The following ASZ1 variants were observed in gnomAD, a reference collection of about 807,000 sequenced individuals.
ASZ1 encodes the protein ankyrin repeat, SAM and basic leucine zipper domain containing 1, also known as ankyrin repeat, SAM and basic leucine zipper domain-containing protein 1.
In ASZ1, 67 loss-of-function variants were observed where a neutral mutation model predicts 61.8. That is an observed-to-expected ratio of 1.08 (90% CI 0.89 to 1.33). The LOEUF (loss-of-function observed/expected upper bound fraction) is 1.33, where lower values mean the gene tolerates loss of function less well. Ranked by LOEUF, ASZ1 falls within the 40% of genes most tolerant of loss-of-function variation. The pLI is 0.00. For synonymous variants in ASZ1, 193 were observed against 192.7 expected, an observed-to-expected ratio of 1.00 and a Z score of -0.01; for missense variants, 577 against 554.5, an observed-to-expected ratio of 1.04 and a Z score of -0.41.
chr7:117,401,503 C>T (rs1796680491), intron 4 of ASZ1, among the ~76,000 whole-genome samples: 1 of 151,986 alleles, frequency 6.6e-6, no homozygotes. Flanking sequence ...TGGACCCCTA[C>T]TGGCTCCAAT....
chr7:117,386,241 C>CA (rs1218236028), intron 4 of ASZ1, among the ~76,000 whole-genome samples: 1 of 152,094 alleles, frequency 6.6e-6, no homozygotes, highest in Admixed American at 6.6e-5. Context: ...ATTGCTGAAA[C>CA]AAAAATGTAA....
chr7:117,402,581 T>C lies in ASZ1; in HGVS notation c.441-16772A>G, dbSNP rs1263915485. ...TCCAGAATTTATATTTGTTTCATTA[T>C]GACTTTAGTTTGTTTAAAGGCCTCA... On this transcript the variant is annotated intron_variant, in intron 4 of 12. Transcript: ENST00000284629. 2.6e-5 allele frequency among the ~76,000 whole-genome samples: 4 copies of C among 152,186 alleles called. No homozygotes were observed. In the South Asian group the frequency reaches 6.2e-4, roughly 24 times the overall value.
chr7:117,389,615 G>A (rs1353652687), intron 4 of ASZ1, among the ~76,000 whole-genome samples: 1 of 152,102 alleles, frequency 6.6e-6, no homozygotes, highest in Non-Finnish European at 1.5e-5. Context: ...CCAGGCCAAA[G>A]TCAGGATGAG....
At position 117,363,508 on chromosome 7, in the gene ASZ1, A is replaced by C. The variant is rs1795867863; in HGVS notation, c.*88T>G. 1 of 1,130,210 alleles carries C rather than the reference A, an allele frequency of 8.8e-7. No homozygotes were observed. The highest frequency in any genetic ancestry group is 1.6e-5 in the African/African-American group (1 of 62,176). The allele number at this position is 1,130,210 out of a possible 1,614,324, so 70.0% of individuals were successfully genotyped here. On this transcript the variant is annotated 3_prime_UTR_variant, in exon 13 of 13. Transcript: ENST00000284629. Reference sequence around the variant, plus strand: ...TATGGAATATTGGCAAAGAATGTAAAGTTATATTGTGCTGCAAACAGTTAA... The same window carrying C: ...TATGGAATATTGGCAAAGAATGTAACGTTATATTGTGCTGCAAACAGTTAA...
At position 117,382,107 on chromosome 7, in the gene ASZ1, G is replaced by A. The variant is rs1490718645; in HGVS notation, c.850C>T (p.His284Tyr). The A allele has an allele frequency of 4.4e-6, 7 of 1,599,724 alleles. No homozygotes were observed. Among genetic ancestry groups the A allele is most frequent in the Non-Finnish European group, 5.1e-6 (6 of 1,167,638 alleles). The part of the protein sequence containing the change: ...TAFGDLEVFL[H>Y]GLGLEHMTDL... ...GTCATATGTTCAAGTCCAAGACCAT[G>A]TAAAAATACTTCCAGATCTCCAAAT... The change falls in exon 8 of 13, where the codon CAT becomes TAT. Residue 284 changes from histidine (H) to tyrosine (Y), a missense_variant. Coordinates refer to ENST00000284629, the MANE Select transcript of ASZ1 (RefSeq NM_130768.3).
At chr7:117,369,705 G>A (rs1159586299) in intron 10 of ASZ1, among the ~76,000 whole-genome samples, 1 of 152,190 alleles carries the variant, frequency 6.6e-6, no homozygotes, top group Non-Finnish European at 1.5e-5. Flanking sequence ...AATCTACGAT[G>A]ATTCTCAGTT....
rs1022610899 is a variant in ASZ1 at position 117,412,794 on chromosome 7, A to G, written c.440+7369T>C. Among the ~76,000 whole-genome samples, 11 of 151,814 alleles carry G rather than the reference A, an allele frequency of 7.2e-5. 1 individual carries two copies. The highest frequency in any genetic ancestry group is 1.0e-4 in the Non-Finnish European group (7 of 67,792). On this transcript the variant is annotated intron_variant, in intron 4 of 12. Coordinates refer to ENST00000284629, the MANE Select transcript of ASZ1 (RefSeq NM_130768.3). ...AAAAAAAAAATCTTTTTTTTTAAAT[A>G]TAAGAAAGAGTTTCAGCAAACTAGG...
chr7:117,425,831 A>T (rs1375908858), intron 2 of ASZ1, among the ~76,000 whole-genome samples: 4 of 151,916 alleles, frequency 2.6e-5, no homozygotes, highest in African/African-American at 9.6e-5. Flanking sequence ...GTCTACTAAA[A>T]TTACCAAAAT....
intron 4 of ASZ1, among the ~76,000 whole-genome samples, chr7:117,414,763 T>G (rs1335777036): frequency 6.6e-6 from 1 of 152,206 alleles, no homozygotes; most frequent in Non-Finnish European, 1.5e-5. Flanking sequence ...GTTAGTTTGC[T>G]GAGAATGATG....
At chr7:117,389,784 A>T (rs564138190) in intron 4 of ASZ1, among the ~76,000 whole-genome samples, 1 of 152,332 alleles carries the variant, frequency 6.6e-6, no homozygotes, top group African/African-American at 2.4e-5. Flanking sequence ...TTTTGAAGGC[A>T]TGAGCCTGGC....
intron 10 of ASZ1, among the ~76,000 whole-genome samples, chr7:117,376,851 T>A (rs904333541): frequency 3.9e-5 from 6 of 152,046 alleles, no homozygotes; most frequent in African/African-American, 1.4e-4. Flanking sequence ...AAAAAGTGCA[T>A]GGTTTTCTCC....
intron 4 of ASZ1, among the ~76,000 whole-genome samples, chr7:117,388,967 G>A (rs1403834716): frequency 6.6e-6 from 1 of 152,094 alleles, no homozygotes; most frequent in Non-Finnish European, 1.5e-5. Context: ...AAAATCAATT[G>A]TATTTCTTCA....
At chr7:117,397,019 TAATTA>T (rs1370780265) in intron 4 of ASZ1, among the ~76,000 whole-genome samples, 4 of 151,194 alleles carry the variant, frequency 2.6e-5, no homozygotes, top group Non-Finnish European at 3.0e-5. Flanking sequence ...TGTATTAAAA[TAATTA>T]AATTAATTAA....
intron 4 of ASZ1, among the ~76,000 whole-genome samples, chr7:117,414,599 C>A (rs980449423): frequency 1.3e-5 from 2 of 152,148 alleles, no homozygotes; most frequent in Admixed American, 1.3e-4. Flanking sequence ...CCGTCACCTA[C>A]ATTAAGTATT....
chr7:117,424,951 C>T (rs1039158094), intron 2 of ASZ1, among the ~76,000 whole-genome samples: 1 of 152,124 alleles, frequency 6.6e-6, no homozygotes, highest in Non-Finnish European at 1.5e-5. Flanking sequence ...TGCCAACAAC[C>T]CTTTGATATA....
chr7:117,385,651 C>T, intron 5 of ASZ1, 47 bp downstream of exon 5: 1 of 1,428,544 alleles, frequency 7.0e-7, no homozygotes, highest in African/African-American at 1.4e-5. Flanking sequence ...TTGTAGATTA[C>T]TGATAATAAC....
intron 10 of ASZ1, among the ~76,000 whole-genome samples, chr7:117,369,808 T>C (rs78689427): frequency 0.021 from 3,220 of 152,304 alleles, 115 homozygotes; most frequent in African/African-American, 0.073. Flanking sequence ...GAAAACATTA[T>C]GGCATAATAA....
At chr7:117,390,179 G>T (rs376943998) in intron 4 of ASZ1, among the ~76,000 whole-genome samples, 1,950 of 148,516 alleles carry the variant, frequency 0.013, 14 homozygotes, top group African/African-American at 0.017. Context: ...AACAGTGGGG[G>T]TTTTTTTTTT....
At chr7:117,369,211 G>C (rs969796132) in intron 10 of ASZ1, among the ~76,000 whole-genome samples, 1 of 152,118 alleles carries the variant, frequency 6.6e-6, no homozygotes, top group South Asian at 2.1e-4. Flanking sequence ...AATTGAGTCT[G>C]TGGTTGAAGA....
Sources: allele counts gnomAD v4.1 joint callset (sites outside exome capture counted in the v4.1 genomes callset), GRCh38; gene constraint gnomAD v4.1.1; transcripts MANE v1.5; gene names NCBI Gene and HGNC (gene_info 2026-07-23, HGNC 2026-07-21).